The following NIPBL variants were observed in gnomAD, a reference collection of about 807,000 sequenced individuals.
NIPBL encodes the protein NIPBL cohesin loading factor.
NIPBL carries 19 observed loss-of-function variants against 321.8 expected under a neutral mutation model. That is an observed-to-expected ratio of 0.06 (90% CI 0.04 to 0.09). The LOEUF (loss-of-function observed/expected upper bound fraction) is 0.09, where lower values mean the gene tolerates loss of function less well. Ranked by LOEUF, NIPBL falls within the 10% of genes least tolerant of loss-of-function variation. The pLI is 1.00. For missense variants in NIPBL, 2,210 were observed against 3,327.0 expected (o/e 0.66, Z 8.26); for synonymous variants, 1,106 against 1,114.1 (o/e 0.99, Z 0.14).
intron 40 of NIPBL, among the ~76,000 whole-genome samples, chr5:37,050,383 G>A (rs1753407331): frequency 6.6e-6 from 1 of 150,442 alleles, no homozygotes; most frequent in Non-Finnish European, 1.5e-5. Context: ...AAAATTGCTT[G>A]AACCCAGGAA....
At chr5:36,935,717 C>G (rs1424182379) in intron 1 of NIPBL, among the ~76,000 whole-genome samples, 1 of 152,092 alleles carries the variant, frequency 6.6e-6, no homozygotes, top group Middle Eastern at 3.2e-3. Flanking sequence ...GATTTATTCT[C>G]TCACAGTTCA....
chr5:36,887,834 A>G (rs1452202382), intron 1 of NIPBL, among the ~76,000 whole-genome samples: 1 of 152,196 alleles, frequency 6.6e-6, no homozygotes, highest in East Asian at 1.9e-4. Flanking sequence ...GAAATTCCAT[A>G]GTATGTAAGT....
At chr5:37,016,206 A>G (rs958573035) in intron 23 of NIPBL, 36 bp downstream of exon 23, 1 of 1,594,126 alleles carries the variant, frequency 6.3e-7, no homozygotes, top group Non-Finnish European at 8.6e-7. Context: ...TTAGATTACT[A>G]GAAGACAACA....
chr5:37,045,463 A>G lies in NIPBL; in HGVS notation c.6364A>G (p.Ser2122Gly), dbSNP rs768026341. 6.2e-7 allele frequency: 1 copy of G among 1,612,746 alleles called. No individual in the cohort carries two copies. Among genetic ancestry groups the G allele is most frequent in the Non-Finnish European group, 8.5e-7 (1 of 1,179,032 alleles). ...RYYGAISKLK[S>G]QHQEDPNNTS... ...ATTAGGTGCCATTTCAAAATTAAAA[A>G]GTCAACACCAAGAGGACCCAAATAA... Residue 2122 changes from serine to glycine, a missense_variant, in exon 37 of 47, where the codon AGT (serine) becomes GGT (glycine). This residue lies in a region of NIPBL where 73 missense variants were observed against 222.3 expected (regional missense o/e 0.33). Transcript: ENST00000282516.
At chr5:36,946,736 A>G (rs1437858376) in intron 1 of NIPBL, among the ~76,000 whole-genome samples, 1 of 152,112 alleles carries the variant, frequency 6.6e-6, no homozygotes, top group Non-Finnish European at 1.5e-5. Context: ...TAATCACACA[A>G]GGTGACAATA....
intron 32 of NIPBL, among the ~76,000 whole-genome samples, chr5:37,033,727 TATA>T (rs1194183575): frequency 0.022 from 1,591 of 70,890 alleles, 68 homozygotes; most frequent in Non-Finnish European, 0.035. Context: ...TATATATATA[TATA>T]TTTTTTTTTT....
chr5:37,028,537 C>T lies in NIPBL; in HGVS notation c.5862+1125C>T, dbSNP rs189189278. Among the ~76,000 whole-genome samples, 511 of 151,604 alleles carry T rather than the reference C, an allele frequency of 3.4e-3. 2 individuals are homozygous for T. Among genetic ancestry groups the T allele is most frequent in the African/African-American group, 0.012 (485 of 41,286 alleles). On this transcript the variant is annotated intron_variant, in intron 32 of 46. Transcript: ENST00000282516. ...TGTATTTTTAGTAGAGATGAAGTTT[C>T]GCCATGTTGGCCAGGCTGGTCTCAA...
At chr5:37,064,194 C>T in intron 46 of NIPBL, 1 of 1,408,594 alleles carries the variant, frequency 7.1e-7, no homozygotes, top group South Asian at 1.7e-5. Flanking sequence ...GAGATTTATC[C>T]AGCATAAAGG....
chr5:37,064,357 TG>T (rs1386927765), intron 46 of NIPBL, 169 bp from the exon 47 acceptor site: 59 of 985,266 alleles, frequency 6.0e-5, no homozygotes, highest in Non-Finnish European at 7.0e-5. Flanking sequence ...TACAAGTATA[TG>T]TTAACCCCTT....
At chr5:37,014,145 G>C (rs1166490183) in intron 21 of NIPBL, among the ~76,000 whole-genome samples, 1 of 152,180 alleles carries the variant, frequency 6.6e-6, no homozygotes, top group Non-Finnish European at 1.5e-5. Context: ...GCAGTGAGCC[G>C]AGATGGCAGC....
At chr5:36,918,784 A>G (rs1336936450) in intron 1 of NIPBL, among the ~76,000 whole-genome samples, 2 of 152,232 alleles carry the variant, frequency 1.3e-5, no homozygotes, top group Non-Finnish European at 2.9e-5. Context: ...TGAGATAATC[A>G]TGTGGTTTTT....
chr5:37,023,858 T>C (rs1321832826), intron 29 of NIPBL, among the ~76,000 whole-genome samples: 1 of 151,754 alleles, frequency 6.6e-6, no homozygotes, highest in Non-Finnish European at 1.5e-5. Flanking sequence ...AACTTGTGTT[T>C]TGTATCTCTT....
At chr5:37,062,546 T>TA (rs34928107) in intron 45 of NIPBL, among the ~76,000 whole-genome samples, 129 of 145,656 alleles carry the variant, frequency 8.9e-4, no homozygotes, top group African/African-American at 1.5e-3. Context: ...TTCCAGTGAT[T>TA]AAAAAAAAAA....
At chr5:36,940,243 T>C (rs1388163729) in intron 1 of NIPBL, among the ~76,000 whole-genome samples, 1 of 152,126 alleles carries the variant, frequency 6.6e-6, no homozygotes, top group Non-Finnish European at 1.5e-5. Context: ...AAGAGAGAAA[T>C]GGATTCAAAA....
chr5:36,917,213 G>C (rs1450294559), intron 1 of NIPBL, among the ~76,000 whole-genome samples: 1 of 152,066 alleles, frequency 6.6e-6, no homozygotes, highest in African/African-American at 2.4e-5. Flanking sequence ...ATCTCATTGT[G>C]GTTTTGATTT....
chr5:36,949,473 A>G (rs1216664616), intron 1 of NIPBL, among the ~76,000 whole-genome samples: 1 of 151,898 alleles, frequency 6.6e-6, no homozygotes, highest in African/African-American at 2.4e-5. Flanking sequence ...GAACTGTAAT[A>G]TTAGCACCTC....
intron 1 of NIPBL, among the ~76,000 whole-genome samples, chr5:36,911,301 T>C (rs1237931450): frequency 6.6e-6 from 1 of 152,256 alleles, no homozygotes; most frequent in East Asian, 1.9e-4. Flanking sequence ...GAATGTGTTT[T>C]ATTTCTCATG....
chr5:36,971,902 C>T, intron 7 of NIPBL, 43 bp from the exon 8 acceptor site: 6 of 1,571,010 alleles, frequency 3.8e-6, no homozygotes, highest in Non-Finnish European at 5.2e-6. Context: ...TCTATAAAGC[C>T]TCTCCTGTCA....
At chr5:36,962,700 G>GA (rs1322852020) in intron 6 of NIPBL, among the ~76,000 whole-genome samples, 1 of 151,650 alleles carries the variant, frequency 6.6e-6, no homozygotes, top group Non-Finnish European at 1.5e-5. Context: ...AAAATATTTG[G>GA]AAAAAAAATT....
Sources: allele counts gnomAD v4.1 joint callset (sites outside exome capture counted in the v4.1 genomes callset), GRCh38; gene constraint gnomAD v4.1.1; regional missense constraint gnomAD v4.1.1; transcripts MANE v1.5; gene names NCBI Gene and HGNC (gene_info 2026-07-23, HGNC 2026-07-21).